NUP205: variants seen among roughly 807,000 people sequenced by gnomAD.
NUP205 encodes the protein nuclear pore complex protein Nup205.
NUP205 carries 76 observed loss-of-function variants against 253.8 expected under a neutral mutation model. That is an observed-to-expected ratio of 0.30 (90% CI 0.25 to 0.36). The LOEUF is 0.36. Among genes scored for constraint, NUP205 ranks in the 10% least tolerant of loss-of-function variants. The probability of loss-of-function intolerance (pLI) is 1.00; values close to 1 mark genes in which losing one functional copy is unlikely to be tolerated. For synonymous variants in NUP205, 832 were observed against 850.1 expected, an observed-to-expected ratio of 0.98 and a Z score of 0.37; for missense variants, 2,162 against 2,425.5, an observed-to-expected ratio of 0.89 and a Z score of 2.28.
intron 12 of NUP205, among the ~76,000 whole-genome samples, chr7:135,593,482 T>A (rs1793746243): frequency 6.6e-6 from 1 of 152,166 alleles, no homozygotes; most frequent in Non-Finnish European, 1.5e-5. Flanking sequence ...CTTCTAGGTT[T>A]CCAGCATAAG....
chr7:135,619,846 C>G lies in NUP205; in HGVS notation c.4288C>G (p.Gln1430Glu). Residue 1430 changes from glutamine to glutamate, a missense_variant, in exon 30 of 43, where the codon CAG becomes GAG. Coordinates refer to ENST00000285968, the MANE Select transcript of NUP205 (RefSeq NM_015135.3). ...HLYGSLLYYL[Q>E]IAQRPDEPDT... The stretch of plus-strand genomic sequence containing the variant: ...GTATGGCTCTCTGCTTTATTACTTA[C>G]AGATTGCCCAGAGACCTGATGAACC... The G allele has an allele frequency of 6.2e-7, 1 of 1,613,728 alleles. No individual in the cohort carries two copies. Among genetic ancestry groups the G allele is most frequent in the African/African-American group, 1.3e-5 (1 of 75,016 alleles).
intron 35 of NUP205, among the ~76,000 whole-genome samples, chr7:135,632,975 T>C (rs1394856993): frequency 6.6e-6 from 1 of 152,038 alleles, no homozygotes; most frequent in Non-Finnish European, 1.5e-5. Flanking sequence ...TTTGTTTTTA[T>C]TTTTGGGGGG....
rs367573444 is a variant in NUP205 at position 135,607,326 on chromosome 7, A to C, written c.3150A>C (p.Pro1050=). Residue 1050 remains proline, a synonymous_variant, in exon 22 of 43, where the codon CCA becomes CCC. Coordinates refer to ENST00000285968, the MANE Select transcript of NUP205 (RefSeq NM_015135.3). ...AAGGAACGGAAGGGAGAACAGGCCC[A>C]GTGGCGGTGCGAGAATCTCCTCAGC... The part of the protein sequence containing the change: ...LEKGTEGRTG[P]VAVRESPQLA... The C allele has an allele frequency of 1.2e-6, 2 of 1,614,120 alleles. No homozygotes were observed. The highest frequency in any genetic ancestry group is 1.7e-6 in the Non-Finnish European group (2 of 1,179,968).
Position 135,619,903 on chromosome 7 carries a change from A to G in NUP205, c.4330+15A>G, listed in dbSNP as rs371307457. 7 of 1,497,380 alleles carry G rather than the reference A, an allele frequency of 4.7e-6. No individual in the cohort carries two copies. Among genetic ancestry groups the G allele is most frequent in the East Asian group, 2.3e-5 (1 of 44,336 alleles). The allele number at this position is 1,497,380 out of a possible 1,614,324, so 92.8% of individuals were successfully genotyped here. Reference sequence around the variant, plus strand: ...CTTAGAAGCAGGTAGAATGAGATCAATTCCTAATCTTTTCTGGATTGGGAG... The same window carrying G: ...CTTAGAAGCAGGTAGAATGAGATCAGTTCCTAATCTTTTCTGGATTGGGAG... On this transcript the variant is annotated intron_variant, in intron 30 of 42. Transcript: ENST00000285968.
chr7:135,574,513 G>A (rs984903232), intron 3 of NUP205, among the ~76,000 whole-genome samples: 6 of 152,080 alleles, frequency 3.9e-5, no homozygotes, highest in African/African-American at 1.2e-4. Flanking sequence ...AGGCTTTTCC[G>A]GGGAGAGCAA....
chr7:135,645,067 A>G, intron 40 of NUP205, 49 bp downstream of exon 40: 1 of 1,603,636 alleles, frequency 6.2e-7, no homozygotes. Context: ...GAAATATAGG[A>G]ACTGTTCACT....
chr7:135,647,033 A>G (rs1369987138), intron 42 of NUP205, among the ~76,000 whole-genome samples: 2 of 152,254 alleles, frequency 1.3e-5, no homozygotes, highest in Non-Finnish European at 2.9e-5. Context: ...TCCCGCCGTC[A>G]TAGACCATAG....
chr7:135,620,973 A>C lies in NUP205; in HGVS notation c.4330+1085A>C, dbSNP rs144730114. ...AACACATCAGTATATAATGCTTTAT[A>C]TACTTTATAGACATTTGATGTTCAA... On this transcript the variant is annotated intron_variant, in intron 30 of 42. Transcript: ENST00000285968. Among the ~76,000 whole-genome samples the C allele has an allele frequency of 2.6e-5, 4 of 152,376 alleles. No homozygotes were observed. The East Asian group carries it at 7.7e-4, about 29-fold the overall frequency.
chr7:135,573,969 T>C (rs1472268800), intron 3 of NUP205, 144 bp downstream of exon 3: 5 of 721,644 alleles, frequency 6.9e-6, no homozygotes, highest in Admixed American at 3.2e-5. Flanking sequence ...ATTTCCTTTT[T>C]TAATCTTTGT....
chr7:135,638,414 GAAAAAAAAA>G, intron 37 of NUP205, 134 bp from the exon 38 acceptor site: 2 of 464,218 alleles, frequency 4.3e-6, no homozygotes, highest in East Asian at 9.8e-5. Flanking sequence ...GACTCCATCT[GAAAAAAAAA>G]AAAAAAAAAG....
rs1806070175 is a variant in NUP205, at chr7:135,573,828, A to T, written c.343+3A>T. On this transcript the variant is annotated splice_donor_region_variant and intron_variant, in intron 3 of 42. Transcript: ENST00000285968. Reference sequence around the variant, plus strand: ...AGCTGTTGAGCTTCTTCTTGCTGGTAGGTTGACATTTAACTGAAACAGTGG... The same window carrying T: ...AGCTGTTGAGCTTCTTCTTGCTGGTTGGTTGACATTTAACTGAAACAGTGG... The T allele has an allele frequency of 6.2e-7, 1 of 1,607,080 alleles. No homozygotes were observed. Among genetic ancestry groups the T allele is most frequent in the African/African-American group, 1.3e-5 (1 of 74,524 alleles).
At chr7:135,626,104 T>G in intron 32 of NUP205, 136 bp from the exon 33 acceptor site, 1 of 1,025,808 alleles carries the variant, frequency 9.7e-7, no homozygotes, top group Non-Finnish European at 1.5e-6. Context: ...AGCGGTATAA[T>G]GTAACCTGTC....
Position 135,616,714 on chromosome 7 carries a change from A to G in NUP205, c.3520A>G (p.Thr1174Ala). Residue 1174 changes from threonine (T) to alanine (A), a missense_variant, in exon 25 of 43, where the codon ACT becomes GCT. Around this residue, in one of 5 missense-constraint regions of NUP205, gnomAD observed 1,144 missense variants for 1,280.9 expected, o/e 0.89. Transcript: ENST00000285968. ...RSVSGFLHFD[T>A]ATKVRRKILN... ...TGTTTCTGGGTTCCTTCACTTTGACACTGCTACAAAAGGTAATGCCCTTTG... is the reference window on the plus strand; with the variant it reads ...TGTTTCTGGGTTCCTTCACTTTGACGCTGCTACAAAAGGTAATGCCCTTTG... The G allele has an allele frequency of 6.4e-7, 1 of 1,559,656 alleles. No homozygotes were observed. The highest frequency in any genetic ancestry group is 8.7e-7 in the Non-Finnish European group (1 of 1,155,504).
chr7:135,570,052 T>TAGAGAGAG (rs373590569), intron 1 of NUP205, among the ~76,000 whole-genome samples: 36 of 79,184 alleles, frequency 4.5e-4, no homozygotes, highest in African/African-American at 1.2e-3. Context: ...TATATATATA[T>TAGAGAGAG]AGAGAGAGAG....
chr7:135,597,155 A>G (rs1793858343), intron 13 of NUP205: 1 of 463,950 alleles, frequency 2.2e-6, no homozygotes. Flanking sequence ...AGAAACTACC[A>G]ATTTTCAGAA....
At chr7:135,570,029 T>TTA (rs145414092) in intron 1 of NUP205, among the ~76,000 whole-genome samples, 2,104 of 98,318 alleles carry the variant, frequency 0.021, 27 homozygotes, top group African/African-American at 0.031. Flanking sequence ...TGTTTATGTT[T>TTA]TATATATATA....
At chr7:135,640,149 A>C (rs899317025) in intron 38 of NUP205, among the ~76,000 whole-genome samples, 1 of 152,218 alleles carries the variant, frequency 6.6e-6, no homozygotes, top group African/African-American at 2.4e-5. Context: ...TAGGTGCAGC[A>C]AACCACCATG....
chr7:135,635,691 T>C (rs1584690097), intron 36 of NUP205, 34 bp downstream of exon 36: 4 of 1,269,246 alleles, frequency 3.2e-6, no homozygotes, highest in South Asian at 1.3e-5. Context: ...ATAGCAGTTA[T>C]AAGACATGTT....
At chr7:135,575,071 C>CT (rs1242345635) in intron 3 of NUP205, among the ~76,000 whole-genome samples, 1 of 152,152 alleles carries the variant, frequency 6.6e-6, no homozygotes, top group Admixed American at 6.5e-5. Context: ...AATTATATCA[C>CT]TCCAGTGATA....
Sources: gnomAD v4.1 joint callset for allele counts (sites outside exome capture counted in the v4.1 genomes callset) on GRCh38, gnomAD v4.1.1 for gene constraint, gnomAD v4.1.1 regional missense constraint, MANE v1.5 for transcripts, NCBI Gene and HGNC (gene_info 2026-07-23, HGNC 2026-07-21) for gene names.